UACA: variants seen among roughly 807,000 people sequenced by gnomAD.
UACA encodes the protein nuclear membrane binding protein.
Under a neutral mutation model 160.5 loss-of-function variants are expected in UACA, and 112 were observed. That is an observed-to-expected ratio of 0.70 (90% CI 0.60 to 0.82). UACA has a LOEUF of 0.82. UACA is among the 40% of genes least tolerant of loss of function. The pLI is 0.00. For missense variants in UACA, 1,574 were observed against 1,614.6 expected (o/e 0.97, Z 0.43); for synonymous variants, 557 against 568.4 (o/e 0.98, Z 0.29).
intron 1 of UACA, among the ~76,000 whole-genome samples, chr15:70,762,153 C>CT (rs1179338660): frequency 6.6e-6 from 1 of 152,144 alleles, no homozygotes; most frequent in Non-Finnish European, 1.5e-5. Context: ...AATCTACTCT[C>CT]TTTTTTTGAA....
the UACA span, among the ~76,000 whole-genome samples, chr15:70,768,929 A>G: frequency 4.6e-5 from 7 of 152,256 alleles, no homozygotes; most frequent in Admixed American, 4.6e-4. Context: ...AATTCTGGCA[A>G]GGTGTTCGAT....
chr15:70,724,067 C>A (rs1899076048), intron 1 of UACA, among the ~76,000 whole-genome samples: 1 of 152,206 alleles, frequency 6.6e-6, no homozygotes. Context: ...TGTTAGCTTT[C>A]TAATCCTGTC....
chr15:70,716,004 C>A (rs1358769836), intron 1 of UACA, among the ~76,000 whole-genome samples: 1 of 152,192 alleles, frequency 6.6e-6, no homozygotes, highest in Non-Finnish European at 1.5e-5. Flanking sequence ...CTATCCATTT[C>A]TTTCACTGCT....
At chr15:70,714,935 A>G (rs1412279130) in intron 1 of UACA, among the ~76,000 whole-genome samples, 1 of 152,226 alleles carries the variant, frequency 6.6e-6, no homozygotes, top group African/African-American at 2.4e-5. Flanking sequence ...CCTCAAGAGG[A>G]GATGCATTAA....
intron 1 of UACA, among the ~76,000 whole-genome samples, 192 bp downstream of exon 1, chr15:70,763,138 G>A (rs1258088536): frequency 1.3e-5 from 2 of 152,228 alleles, no homozygotes; most frequent in East Asian, 3.9e-4. Flanking sequence ...AGAGGCTCGG[G>A]TGCGGCGGCG....
chr15:70,715,153 A>G (rs773359911), intron 1 of UACA, among the ~76,000 whole-genome samples: 2 of 152,192 alleles, frequency 1.3e-5, no homozygotes, highest in Admixed American at 6.5e-5. Context: ...CCTAAATGTC[A>G]TAAGTAAAAT....
intron 1 of UACA, among the ~76,000 whole-genome samples, chr15:70,755,383 A>T (rs2030355786): frequency 6.6e-6 from 1 of 151,986 alleles, no homozygotes; most frequent in South Asian, 2.1e-4. Flanking sequence ...AAAAAAAAAG[A>T]ATGAGGCCGG....
intron 12 of UACA, 31 bp from the exon 13 acceptor site, chr15:70,676,622 T>C (rs2140921375): frequency 6.4e-7 from 1 of 1,557,084 alleles, no homozygotes; most frequent in South Asian, 1.1e-5. Flanking sequence ...TACAGTAAAA[T>C]CACCCTGTGC....
At chr15:70,692,562 G>A (rs948339831) in intron 3 of UACA, among the ~76,000 whole-genome samples, 1 of 152,094 alleles carries the variant, frequency 6.6e-6, no homozygotes, top group Non-Finnish European at 1.5e-5. Flanking sequence ...CTTGAGCCTG[G>A]GAGTTGAGAC....
chr15:70,773,823 G>T, the UACA span, among the ~76,000 whole-genome samples: 1 of 152,096 alleles, frequency 6.6e-6, no homozygotes, highest in Non-Finnish European at 1.5e-5. Flanking sequence ...ATATCAACTT[G>T]GTCTGCCTGA....
rs200132897 is a variant in UACA, at chr15:70,664,801, A to C, written c.3974T>G (p.Leu1325Arg). 43 of 1,612,038 alleles carry C rather than the reference A, an allele frequency of 2.7e-5. No individual in the cohort carries two copies. The highest frequency in any genetic ancestry group is 6.8e-6 in the Non-Finnish European group (8 of 1,179,366). Residue 1325 changes from leucine to arginine, a missense_variant, in exon 17 of 19, where the codon CTT becomes CGT. By Grantham distance (102) the Leu-to-Arg change is moderately radical. Transcript: ENST00000322954. ...EAKDNKITEL[L>R]NDVERLKQAL... ...CTGTTTTAATCTTTCCACATCATTA[A>C]GCAGTTCAGTTATCTTTAAAAAAAT... is the stretch of plus-strand genomic sequence containing the variant.
chr15:70,760,236 G>GA (rs1271741909), intron 1 of UACA, among the ~76,000 whole-genome samples: 1 of 151,258 alleles, frequency 6.6e-6, no homozygotes. Context: ...TGTAAAAAAA[G>GA]AAAAAAAACT....
chr15:70,700,740 G>A (rs1450557331), intron 1 of UACA, among the ~76,000 whole-genome samples: 1 of 151,856 alleles, frequency 6.6e-6, no homozygotes, highest in East Asian at 1.9e-4. Flanking sequence ...TACTTAAACA[G>A]GTGAGATTTT....
intron 5 of UACA, among the ~76,000 whole-genome samples, chr15:70,689,450 T>C (rs1897847289): frequency 6.6e-6 from 1 of 152,070 alleles, no homozygotes; most frequent in Non-Finnish European, 1.5e-5. Flanking sequence ...GCTCAAATGA[T>C]AATGGAAAAA....
At chr15:70,687,424 A>G in intron 7 of UACA, 116 bp downstream of exon 7, 1 of 847,804 alleles carries the variant, frequency 1.2e-6, no homozygotes, top group South Asian at 1.6e-5. Context: ...AAGCCAGGGA[A>G]GGGGAGAACC....
chr15:70,679,837 G>C (rs532822980), intron 9 of UACA, 161 bp from the exon 10 acceptor site: 1 of 419,936 alleles, frequency 2.4e-6, no homozygotes, highest in Admixed American at 4.4e-5. Flanking sequence ...CTCCAAAATG[G>C]AAAGGACCTT....
chr15:70,703,071 T>C (rs562311970), intron 1 of UACA: 2 of 1,282,288 alleles, frequency 1.6e-6, no homozygotes, highest in South Asian at 2.5e-5. Flanking sequence ...AATCTCCATT[T>C]GGGGACAAAG....
upstream of UACA, among the ~76,000 whole-genome samples, chr15:70,764,373 A>G (rs1666718046): frequency 6.6e-6 from 1 of 152,252 alleles, no homozygotes; most frequent in Admixed American, 6.5e-5. Flanking sequence ...AAATCATCTT[A>G]CCTAGAAATC....
intron 5 of UACA, among the ~76,000 whole-genome samples, chr15:70,688,564 C>G (rs1897813094): frequency 6.6e-6 from 1 of 151,866 alleles, no homozygotes; most frequent in Non-Finnish European, 1.5e-5. Flanking sequence ...TCTAATCCAG[C>G]AAATCTTTTA....
Sources: allele counts gnomAD v4.1 joint callset (sites outside exome capture counted in the v4.1 genomes callset), GRCh38; gene constraint gnomAD v4.1.1; transcripts MANE v1.5; gene names NCBI Gene and HGNC (gene_info 2026-07-23, HGNC 2026-07-21).